KAZN: variants seen among roughly 807,000 people sequenced by gnomAD.
The protein encoded by KAZN is kazrin.
KAZN carries 40 observed loss-of-function variants against 87.4 expected under a neutral mutation model. That is an observed-to-expected ratio of 0.46 (90% CI 0.36 to 0.60). The LOEUF (loss-of-function observed/expected upper bound fraction) is 0.60, where lower values mean the gene tolerates loss of function less well. Among genes scored for constraint, KAZN ranks in the 20% least tolerant of loss-of-function variants. KAZN has a pLI of 0.00. For missense variants in KAZN, 898 were observed against 1,073.9 expected (o/e 0.84, Z 2.29); for synonymous variants, 466 against 458.3 (o/e 1.02, Z -0.22).
At chr1:14,285,595 C>T (rs1272677819) in intron 2 of KAZN, among the ~76,000 whole-genome samples, 2 of 152,200 alleles carry the variant, frequency 1.3e-5, no homozygotes, top group East Asian at 3.9e-4. Context: ...TGCCTACTCG[C>T]CACTTTATCC....
intron 1 of KAZN, among the ~76,000 whole-genome samples, chr1:14,736,110 C>T (rs918615697): frequency 1.1e-4 from 17 of 152,158 alleles, no homozygotes; most frequent in African/African-American, 3.9e-4. Context: ...AAGTTCCCCA[C>T]AGCCTCCAGA....
chr1:13,988,617 C>T lies in KAZN; in HGVS notation c.91+94861C>T, dbSNP rs142695175. ...CTACATTCTACCAGCTAGAACTCAA[C>T]CATAGGGTCTCATTTAATCACAAGA... On this transcript the variant is annotated intron_variant, in intron 1 of 16. Transcript: ENST00000636203. Among the ~76,000 whole-genome samples the T allele has an allele frequency of 5.6e-4, 86 of 152,244 alleles. 2 individuals carry two copies. The East Asian group carries it at 0.014, about 25-fold the overall frequency.
intron 1 of KAZN, among the ~76,000 whole-genome samples, chr1:14,119,951 C>T (rs1205308478): frequency 2.2e-5 from 2 of 90,340 alleles, no homozygotes; most frequent in East Asian, 4.4e-4. Context: ...GTAGGATGCC[C>T]ATTTCAGATA....
At chr1:14,084,786 G>A (rs909899009) in intron 1 of KAZN, among the ~76,000 whole-genome samples, 2 of 151,584 alleles carry the variant, frequency 1.3e-5, no homozygotes, top group South Asian at 4.2e-4. Flanking sequence ...GTTAAATGAC[G>A]AGTTAATGGG....
In KAZN at chr1:14,425,951, C is replaced by T. The variant is rs538865365; in HGVS notation, c.250-173032C>T. Among the ~76,000 whole-genome samples, 19 of 152,306 alleles carry T rather than the reference C, an allele frequency of 1.2e-4. No individual in the cohort carries two copies. In the South Asian group the frequency reaches 3.9e-3, roughly 32 times the overall value. Reference sequence around the variant, plus strand: ...CCATCCCCCAACTTTCTAGAACATTCTTTTATCTGGATTTGGCAGGAGGAC... The same window carrying T: ...CCATCCCCCAACTTTCTAGAACATTTTTTTATCTGGATTTGGCAGGAGGAC... On this transcript the variant is annotated intron_variant, in intron 2 of 16. Coordinates refer to the KAZN transcript ENST00000636203.
intron 2 of KAZN, among the ~76,000 whole-genome samples, chr1:14,372,147 C>T (rs896250035): frequency 1.3e-5 from 2 of 152,220 alleles, no homozygotes; most frequent in African/African-American, 2.4e-5. Flanking sequence ...AAGCAAATGA[C>T]GAGTTTGTAT....
At chr1:14,789,765 A>C (rs892107969) in intron 1 of KAZN, among the ~76,000 whole-genome samples, 2 of 45,250 alleles carry the variant, frequency 4.4e-5, no homozygotes, top group Admixed American at 5.0e-4. Flanking sequence ...ATTACCAAAA[A>C]AAAAAAAAAA....
At chr1:14,029,072 T>C (rs1570565918) in intron 1 of KAZN, among the ~76,000 whole-genome samples, 1 of 148,644 alleles carries the variant, frequency 6.7e-6, no homozygotes, top group Non-Finnish European at 1.5e-5. Context: ...ATGGTTGAAC[T>C]AGTTTACAGT....
intron 1 of KAZN, among the ~76,000 whole-genome samples, chr1:14,135,430 A>C (rs1427184015): frequency 2.0e-5 from 3 of 152,226 alleles, no homozygotes; most frequent in African/African-American, 7.2e-5. Flanking sequence ...GTCTGAGTGC[A>C]TGAGGCTCTC....
Position 14,188,980 on chromosome 1 carries a change from C to A in KAZN, c.249+8388C>A, listed in dbSNP as rs190704826. Among the ~76,000 whole-genome samples, 69 of 152,198 alleles carry A rather than the reference C, an allele frequency of 4.5e-4. No homozygotes were observed. In the East Asian group the frequency reaches 0.012, roughly 26 times the overall value. On this transcript the variant is annotated intron_variant, in intron 2 of 16. Coordinates refer to the KAZN transcript ENST00000636203. ...TAGAACAGGAATCCTTATACACATTCATATTAAACTCAAACAGTCCCATAA... is the reference window on the plus strand; with the variant it reads ...TAGAACAGGAATCCTTATACACATTAATATTAAACTCAAACAGTCCCATAA...
chr1:14,863,259 G>A (rs2101028917), intron 1 of KAZN, among the ~76,000 whole-genome samples: 1 of 152,332 alleles, frequency 6.6e-6, no homozygotes, highest in South Asian at 2.1e-4. Flanking sequence ...TACAGAGGGT[G>A]TCTTGGGCAC....
chr1:14,787,671 C>T (rs1016181629), intron 1 of KAZN, among the ~76,000 whole-genome samples: 1 of 152,214 alleles, frequency 6.6e-6, no homozygotes, highest in Admixed American at 6.5e-5. Context: ...GCATCACTCA[C>T]AGAGAGTACA....
chr1:14,117,721 C>G (rs770547763), intron 1 of KAZN, among the ~76,000 whole-genome samples: 1 of 152,116 alleles, frequency 6.6e-6, no homozygotes, highest in Non-Finnish European at 1.5e-5. Context: ...TGTCACTTAG[C>G]CTCTCTGATC....
chr1:14,345,996 G>A (rs1417967), intron 2 of KAZN, among the ~76,000 whole-genome samples: 146,546 of 152,314 alleles, frequency 0.96, 70,533 homozygotes, highest in South Asian at 0.98. Flanking sequence ...TAATATTTGT[G>A]TCATTTCGAT....
At chr1:14,802,721 C>T (rs753694004) in intron 1 of KAZN, among the ~76,000 whole-genome samples, 1 of 152,196 alleles carries the variant, frequency 6.6e-6, no homozygotes, top group African/African-American at 2.4e-5. Flanking sequence ...GAGACTTCTT[C>T]GTAGACACGG....
At chr1:14,796,146 C>A (rs1023198416) in intron 1 of KAZN, among the ~76,000 whole-genome samples, 7 of 152,186 alleles carry the variant, frequency 4.6e-5, no homozygotes, top group African/African-American at 1.7e-4. Flanking sequence ...TTTCTGGCCT[C>A]CGTTCTGGTC....
chr1:13,978,000 C>T (rs1043209902), intron 1 of KAZN, among the ~76,000 whole-genome samples: 14 of 152,100 alleles, frequency 9.2e-5, no homozygotes, highest in Admixed American at 4.6e-4. Context: ...TGGCGGTGTG[C>T]GCCTGTGGTC....
At chr1:14,004,057 G>A (rs1324183425) in intron 1 of KAZN, among the ~76,000 whole-genome samples, 1 of 151,482 alleles carries the variant, frequency 6.6e-6, no homozygotes, top group Non-Finnish European at 1.5e-5. Flanking sequence ...GAAAAAATGG[G>A]CAAAGGGTTT....
intron 1 of KAZN, among the ~76,000 whole-genome samples, chr1:14,751,550 C>T (rs972437004): frequency 6.6e-6 from 1 of 152,208 alleles, no homozygotes; most frequent in African/African-American, 2.4e-5. Context: ...TACTAAGACA[C>T]AGTAAGACCT....
Sources: gnomAD v4.1 joint callset for allele counts (sites outside exome capture counted in the v4.1 genomes callset) on GRCh38, gnomAD v4.1.1 for gene constraint, MANE v1.5 for transcripts, NCBI Gene and HGNC (gene_info 2026-07-23, HGNC 2026-07-21) for gene names.